The following KIAA0513 variants were observed in gnomAD, a reference collection of about 807,000 sequenced individuals.
KIAA0513 encodes the protein uncharacterized protein KIAA0513.
In KIAA0513, 39 loss-of-function variants were observed where a neutral mutation model predicts 56.5. That is an observed-to-expected ratio of 0.69 (90% CI 0.53 to 0.90). The LOEUF (loss-of-function observed/expected upper bound fraction) is 0.90, where lower values mean the gene tolerates loss of function less well. KIAA0513 is among the 40% of genes least tolerant of loss of function. The pLI is 0.00. For missense variants in KIAA0513, 591 were observed against 535.2 expected (o/e 1.10, Z -1.03); for synonymous variants, 268 against 215.6 (o/e 1.24, Z -2.13).
At chr16:85,042,431 G>A (rs1301498967) in intron 1 of KIAA0513, among the ~76,000 whole-genome samples, 10 of 152,184 alleles carry the variant, frequency 6.6e-5, no homozygotes, top group African/African-American at 2.4e-4. Flanking sequence ...TGAGCAAATA[G>A]GGGGCAGGGT....
intron 1 of KIAA0513, among the ~76,000 whole-genome samples, chr16:85,063,841 C>T (rs1328736924): frequency 6.6e-6 from 1 of 151,920 alleles, no homozygotes; most frequent in Non-Finnish European, 1.5e-5. Context: ...TCGCAGGCCT[C>T]TGAACAGGGG....
At chr16:85,058,169 C>T (rs959950631) in intron 1 of KIAA0513, among the ~76,000 whole-genome samples, 2 of 152,188 alleles carry the variant, frequency 1.3e-5, no homozygotes, top group African/African-American at 4.8e-5. Context: ...GGTCTGTGGT[C>T]TGACACTTGT....
At chr16:85,055,197 T>C (rs1293171908) in intron 1 of KIAA0513, among the ~76,000 whole-genome samples, 2 of 152,114 alleles carry the variant, frequency 1.3e-5, no homozygotes, top group Non-Finnish European at 2.9e-5. Flanking sequence ...GTGCTGGGAT[T>C]ACAAATATGA....
rs1309448354 is a variant in KIAA0513 at position 85,072,993 on chromosome 16, G to A, written c.498G>A (p.Leu166=). The change falls in exon 4 of 13, where the codon CTG becomes CTA. Residue 166 remains leucine (L), a synonymous_variant. Transcript: ENST00000683363. Reference sequence around the variant, plus strand: ...TGGTGCAGTCTTTTGCAGTGGTGCTGTTCGAGTAAGTAATGCCGTGGCACA... The same window carrying A: ...TGGTGCAGTCTTTTGCAGTGGTGCTATTCGAGTAAGTAATGCCGTGGCACA... The part of the protein sequence containing the change: ...YRLVQSFAVV[L]FECHQMDDFG... 1.2e-6 allele frequency: 2 copies of A among 1,613,546 alleles called. No homozygotes were observed. The highest frequency in any genetic ancestry group is 1.7e-6 in the Non-Finnish European group (2 of 1,179,646).
At chr16:85,034,775 C>A (rs1418368212) in intron 1 of KIAA0513, among the ~76,000 whole-genome samples, 2 of 152,180 alleles carry the variant, frequency 1.3e-5, no homozygotes, top group Non-Finnish European at 2.9e-5. Flanking sequence ...GCCAAGGTTA[C>A]CGTCCCCATT....
chr16:85,039,279 G>A (rs1433898699), intron 1 of KIAA0513, among the ~76,000 whole-genome samples: 2 of 152,132 alleles, frequency 1.3e-5, no homozygotes, highest in Non-Finnish European at 2.9e-5. Context: ...AGGGACTTAT[G>A]TATCATCAAA....
intron 1 of KIAA0513, among the ~76,000 whole-genome samples, chr16:85,038,203 G>T (rs1303426390): frequency 1.3e-5 from 2 of 152,160 alleles, no homozygotes; most frequent in African/African-American, 4.8e-5. Flanking sequence ...CCATGCCCTT[G>T]AAGAGCATTG....
chr16:85,085,598 C>T (rs771033420), intron 10 of KIAA0513, among the ~76,000 whole-genome samples: 6 of 152,198 alleles, frequency 3.9e-5, no homozygotes, highest in Admixed American at 6.5e-5. Context: ...CTCAGATGGA[C>T]GTGGTGTCCA....
At chr16:85,060,506 GT>G (rs1483568552) in intron 1 of KIAA0513, among the ~76,000 whole-genome samples, 1 of 152,182 alleles carries the variant, frequency 6.6e-6, no homozygotes, top group East Asian at 1.9e-4. Flanking sequence ...GACCCCAGCT[GT>G]GAGGCTGGGG....
chr16:85,069,170 A>G (rs1157093615), intron 2 of KIAA0513, among the ~76,000 whole-genome samples: 1 of 150,844 alleles, frequency 6.6e-6, no homozygotes, highest in Admixed American at 6.6e-5. Flanking sequence ...AGCTGGGACT[A>G]TAGGTACACA....
chr16:85,080,368 C>T (rs909505711), intron 8 of KIAA0513, among the ~76,000 whole-genome samples: 2 of 152,190 alleles, frequency 1.3e-5, no homozygotes, highest in African/African-American at 4.8e-5. Context: ...GCTGTTGTAG[C>T]GTGAACACCA....
intron 1 of KIAA0513, among the ~76,000 whole-genome samples, chr16:85,061,316 A>C (rs776186596): frequency 5.3e-5 from 8 of 152,180 alleles, no homozygotes; most frequent in Non-Finnish European, 8.8e-5. Context: ...TGCCTCCTCA[A>C]GCATCTGAGA....
At position 85,077,549 on chromosome 16, in the gene KIAA0513, C is replaced by T. The variant is rs1156450410; in HGVS notation, c.699C>T (p.Asn233=). 6 of 1,614,052 alleles carry T rather than the reference C, an allele frequency of 3.7e-6. No homozygotes were observed. The highest frequency in any genetic ancestry group is 4.5e-5 in the East Asian group (2 of 44,888). Residue 233 remains asparagine, a synonymous_variant, in exon 6 of 13, where the codon AAC becomes AAT. Coordinates refer to ENST00000683363, the MANE Select transcript of KIAA0513 (RefSeq NM_001388359.1). ...KKDIAERLLK[N]TSARTENVKG... ...ACATCGCCGAGCGGCTGCTGAAGAA[C>T]ACCTCGGCCAGGACTGAGAATGTCA...
intron 1 of KIAA0513, among the ~76,000 whole-genome samples, chr16:85,057,731 G>T (rs530679924): frequency 6.6e-6 from 1 of 152,008 alleles, no homozygotes; most frequent in South Asian, 2.1e-4. Context: ...TGGTTTAGAG[G>T]ATCTCCACTG....
At chr16:85,055,022 A>G (rs1013712387) in intron 1 of KIAA0513, among the ~76,000 whole-genome samples, 1 of 151,960 alleles carries the variant, frequency 6.6e-6, no homozygotes, top group African/African-American at 2.4e-5. Flanking sequence ...TCCTGGACTC[A>G]AGCAGTCCTC....
In KIAA0513 at chr16:85,063,396, G is replaced by C. The variant is rs1235089187; in HGVS notation, c.-172-3504G>C. Reference sequence around the variant, plus strand: ...TTCTCCTGCCTCAGCCTTCCGAGTAGCTGGGATTACAGGCACCTGCCACCA... The same window carrying C: ...TTCTCCTGCCTCAGCCTTCCGAGTACCTGGGATTACAGGCACCTGCCACCA... On this transcript the variant is annotated intron_variant, in intron 1 of 12. Coordinates refer to ENST00000683363, the MANE Select transcript of KIAA0513 (RefSeq NM_001388359.1). 5.3e-5 allele frequency: 8 copies of C among 152,266 alleles called. No homozygotes were observed. In the East Asian group the frequency reaches 9.6e-4, roughly 18 times the overall value. 9.4% of individuals were successfully genotyped at this position (152,266 alleles called of 1,614,324 possible). A position where few individuals can be genotyped will look rare whatever the true frequency, so the allele number is the denominator to read the frequency against.
chr16:85,054,945 C>T (rs2073307194), intron 1 of KIAA0513, among the ~76,000 whole-genome samples: 1 of 152,132 alleles, frequency 6.6e-6, no homozygotes, highest in South Asian at 2.1e-4. Context: ...ATTTTTGAGG[C>T]AGGGTCTCTC....
At chr16:85,067,478 C>T (rs961056334) in intron 2 of KIAA0513, 78 bp downstream of exon 2, 3 of 1,206,630 alleles carry the variant, frequency 2.5e-6, no homozygotes, top group Admixed American at 4.6e-5. Flanking sequence ...CTCGGCTCTG[C>T]CTCTCCCCAG....
At chr16:85,055,695 A>G (rs979773721) in intron 1 of KIAA0513, among the ~76,000 whole-genome samples, 1 of 152,096 alleles carries the variant, frequency 6.6e-6, no homozygotes, top group Non-Finnish European at 1.5e-5. Flanking sequence ...AATCTGTTGC[A>G]CAGAATCCGC....
Sources: allele counts gnomAD v4.1 joint callset (sites outside exome capture counted in the v4.1 genomes callset), GRCh38; gene constraint gnomAD v4.1.1; transcripts MANE v1.5; gene names NCBI Gene and HGNC (gene_info 2026-07-23, HGNC 2026-07-21).